The following IQSEC2 variants were observed in gnomAD, a reference collection of about 807,000 sequenced individuals.
IQSEC2 encodes IQ motif and Sec7 domain ArfGEF 2.
In IQSEC2, 6 loss-of-function variants were observed where a neutral mutation model predicts 74.6. The observed-to-expected ratio is 0.08, with a 90% CI of 0.04 to 0.16. IQSEC2 has a LOEUF of 0.16. Ranked by LOEUF, IQSEC2 falls within the 10% of genes least tolerant of loss-of-function variation. The pLI is 1.00. For synonymous variants in IQSEC2, 494 were observed against 544.5 expected, an observed-to-expected ratio of 0.91 and a Z score of 1.29; for missense variants, 734 against 1,306.2, an observed-to-expected ratio of 0.56 and a Z score of 6.75.
In IQSEC2 at chrX:53,281,495, C is replaced by T. The variant is rs1556870853; in HGVS notation, c.737+10400G>A. 3 of 1,123,079 alleles carry T rather than the reference C, an allele frequency of 2.7e-6. No homozygotes were observed. Among genetic ancestry groups the T allele is most frequent in the East Asian group, 6.6e-5 (2 of 30,117 alleles). 92.6% of individuals were successfully genotyped at this position (1,123,079 alleles called of 1,213,427 possible). On this transcript the variant is annotated intron_variant, in intron 2 of 14. Coordinates refer to ENST00000642864, the MANE Select transcript of IQSEC2 (RefSeq NM_001111125.3). ...CCAGGCTGCGGGGCCCAGGTTCCTA[C>T]CTGCTGCTCCTCCCGGGGGGCTCCA...
chrX:53,261,849 C>T (rs782340793), intron 2 of IQSEC2, among the ~76,000 whole-genome samples: 2 of 111,881 alleles, frequency 1.8e-5, no homozygotes, highest in Admixed American at 1.9e-4. Context: ...GGAGAGAGAT[C>T]CCTTCTGTTT....
chrX:53,289,020 C>A (rs1157868269), intron 2 of IQSEC2, among the ~76,000 whole-genome samples: 2 of 109,574 alleles, frequency 1.8e-5, no homozygotes, highest in Non-Finnish European at 3.8e-5. Flanking sequence ...CTCTGGCACC[C>A]CATACTTTAG....
chrX:53,271,078 C>T (rs2074737787), intron 2 of IQSEC2, among the ~76,000 whole-genome samples: 1 of 111,676 alleles, frequency 9.0e-6, no homozygotes, highest in South Asian at 3.8e-4. Flanking sequence ...AGCCTATACT[C>T]TTCAGACAGC....
At chrX:53,285,967 G>A (rs1473136407) in intron 2 of IQSEC2, among the ~76,000 whole-genome samples, 1 of 112,578 alleles carries the variant, frequency 8.9e-6, no homozygotes, top group African/African-American at 3.2e-5. Context: ...TGTAAAACCT[G>A]CAGGGTTTGT....
intron 2 of IQSEC2, among the ~76,000 whole-genome samples, chrX:53,280,570 G>C (rs1417761649): frequency 9.1e-6 from 1 of 110,151 alleles, no homozygotes; most frequent in Admixed American, 9.6e-5. Context: ...AGGATGGGGT[G>C]GTTCCAGGTA....
intron 2 of IQSEC2, among the ~76,000 whole-genome samples, chrX:53,287,445 G>C (rs1233276242): frequency 8.9e-6 from 1 of 112,776 alleles, no homozygotes; most frequent in Non-Finnish European, 1.9e-5. Context: ...GTGGCACACA[G>C]CAACAAACGC....
chrX:53,235,871 A>AC (rs782107172), intron 13 of IQSEC2, 39 bp from the exon 14 acceptor site: 708 of 1,037,484 alleles, frequency 6.8e-4, no homozygotes, highest in Admixed American at 2.6e-3. Context: ...CAGAGCAGCA[A>AC]CCCCCCCCCT....
At chrX:53,291,781 C>A in intron 2 of IQSEC2, 114 bp downstream of exon 2, 2 of 627,168 alleles carry the variant, frequency 3.2e-6, no homozygotes, top group African/African-American at 2.3e-5. Context: ...ACAGGGAAGA[C>A]GCCCTTGAGT....
chrX:53,297,963 G>C (rs57012774), intron 1 of IQSEC2, among the ~76,000 whole-genome samples: 47,974 of 109,387 alleles, frequency 0.44, 7,910 homozygotes, highest in Middle Eastern at 0.62. Flanking sequence ...AACCCTGTCT[G>C]TACTAAAAAT....
intron 1 of IQSEC2, among the ~76,000 whole-genome samples, chrX:53,292,270 G>C (rs888872976): frequency 8.9e-6 from 1 of 111,835 alleles, no homozygotes; most frequent in Non-Finnish European, 1.9e-5. Flanking sequence ...GCCAGCAGCC[G>C]TGGGCAGGGG....
rs782052632 is a variant in IQSEC2, at chrX:53,293,298, G to C, written c.708-1374C>G. ...CTTTGCCTTGTAAAATGGGGCTTTG[G>C]GGGTGGGCTGCGGTGAGAGTCACTC... On this transcript the variant is annotated intron_variant, in intron 1 of 14. Coordinates refer to ENST00000642864, the MANE Select transcript of IQSEC2 (RefSeq NM_001111125.3). Among the ~76,000 whole-genome samples, 116 of 111,608 alleles carry C rather than the reference G, an allele frequency of 1.0e-3. 1 individual carries two copies. Among genetic ancestry groups the C allele is most frequent in the African/African-American group, 3.5e-3 (109 of 30,720 alleles).
chrX:53,302,666 G>A (rs2075222146), intron 1 of IQSEC2, among the ~76,000 whole-genome samples: 1 of 112,166 alleles, frequency 8.9e-6, no homozygotes, highest in African/African-American at 3.2e-5. Context: ...GGCCAGGCAC[G>A]GCGGCTCATG....
At chrX:53,274,764 T>C (rs1367957083) in intron 2 of IQSEC2, among the ~76,000 whole-genome samples, 1 of 111,297 alleles carries the variant, frequency 9.0e-6, no homozygotes, top group African/African-American at 3.3e-5. Flanking sequence ...CCCGGCCTGC[T>C]TTAGCTGCAT....
chrX:53,269,745 G>A (rs2074711839), intron 2 of IQSEC2, among the ~76,000 whole-genome samples: 2 of 111,101 alleles, frequency 1.8e-5, no homozygotes, highest in Non-Finnish European at 3.8e-5. Flanking sequence ...TTCTGAGGAA[G>A]GTCGCCCAGG....
At chrX:53,305,887 G>A (rs782170821) in intron 1 of IQSEC2, among the ~76,000 whole-genome samples, 3 of 111,188 alleles carry the variant, frequency 2.7e-5, no homozygotes, top group South Asian at 3.8e-4. Context: ...CTCAAGGAGC[G>A]CTTCTAGAAG....
At chrX:53,281,473 G>A in intron 2 of IQSEC2, 1 of 969,521 alleles carries the variant, frequency 1.0e-6, no homozygotes, top group Non-Finnish European at 1.4e-6. Context: ...GAGGGGGCCA[G>A]GCTGCGGGGC....
intron 1 of IQSEC2, among the ~76,000 whole-genome samples, chrX:53,319,729 TCTAGACTTCC>T (rs1602381998): frequency 9.0e-6 from 1 of 111,415 alleles, no homozygotes; most frequent in African/African-American, 3.3e-5. Context: ...AGAGGGGCAA[TCTAGACTTCC>T]CTTCCCGGTA....
intron 2 of IQSEC2, among the ~76,000 whole-genome samples, chrX:53,278,818 G>A (rs1436040999): frequency 8.9e-6 from 1 of 112,125 alleles, no homozygotes; most frequent in Non-Finnish European, 1.9e-5. Flanking sequence ...TGCTGCTGCT[G>A]TTAATATTTC....
intron 1 of IQSEC2, among the ~76,000 whole-genome samples, chrX:53,304,225 A>G (rs1556876130): frequency 8.9e-6 from 1 of 111,881 alleles, no homozygotes; most frequent in Non-Finnish European, 1.9e-5. Context: ...CAAAAAGTAT[A>G]GCGAACAGGT....
Sources: gnomAD v4.1 joint callset for allele counts (sites outside exome capture counted in the v4.1 genomes callset) on GRCh38, gnomAD v4.1.1 for gene constraint, MANE v1.5 for transcripts, NCBI Gene and HGNC (gene_info 2026-07-23, HGNC 2026-07-21) for gene names.